Variants in MOCOS observed in about 807,000 individuals in gnomAD.
MOCOS encodes human molybdenum cofactor sulfurase.
A neutral mutation model predicts 83.6 loss-of-function variants in MOCOS; 86 were observed. That is an observed-to-expected ratio of 1.03 (90% CI 0.86 to 1.23). The LOEUF (loss-of-function observed/expected upper bound fraction) is 1.23, where lower values mean the gene tolerates loss of function less well. Ranked by LOEUF, MOCOS falls within the 50% of genes most tolerant of loss-of-function variation. MOCOS has a pLI of 0.00. For missense variants in MOCOS, 1,120 were observed against 1,126.9 expected, an observed-to-expected ratio of 0.99 and a Z score of 0.09; for synonymous variants, 445 against 434.7, an observed-to-expected ratio of 1.02 and a Z score of -0.29.
chr18:36,192,257 C>A (rs2091368764), intron 1 of MOCOS, among the ~76,000 whole-genome samples: 1 of 152,088 alleles, frequency 6.6e-6, no homozygotes, highest in African/African-American at 2.4e-5. Context: ...ACAAATTTAG[C>A]CAAGTGGTAG....
rs989648945 is a variant in MOCOS, at chr18:36,269,055, G to A, written c.*370G>A. ...CTCACATTGTTACTTTGTTTTTAGA[G>A]AGCATCTTTGGATCTCTCCAACCCG... On this transcript the variant is annotated 3_prime_UTR_variant, in exon 15 of 15. Coordinates refer to ENST00000261326, the MANE Select transcript of MOCOS (RefSeq NM_017947.4). 3.5e-6 allele frequency: 1 copy of A among 284,840 alleles called. No individual in the cohort carries two copies. Among genetic ancestry groups the A allele is most frequent in the Non-Finnish European group, 6.8e-6 (1 of 148,126 alleles). 17.6% of individuals were successfully genotyped at this position (284,840 alleles called of 1,614,324 possible).
intron 9 of MOCOS, among the ~76,000 whole-genome samples, chr18:36,244,944 C>T (rs1266348081): frequency 6.6e-6 from 1 of 152,110 alleles, no homozygotes; most frequent in East Asian, 1.9e-4. Context: ...AGAATAGCTA[C>T]TCCTGCTCAC....
rs1361436890 is a variant in MOCOS, at chr18:36,271,962, G to T, written c.*3277G>T. ...AGGTTCTAGAGTTTCAGAAACAAAA[G>T]AAACAGAACCAACATTTATAGATCT... On this transcript the variant is annotated 3_prime_UTR_variant, in exon 15 of 15. Coordinates refer to ENST00000261326, the MANE Select transcript of MOCOS (RefSeq NM_017947.4). 1 of 151,734 alleles carries T rather than the reference G, an allele frequency of 6.6e-6. No individual in the cohort carries two copies. Among genetic ancestry groups the T allele is most frequent in the Non-Finnish European group, 1.5e-5 (1 of 67,774 alleles). The allele number at this position is 151,734 out of a possible 1,614,324, so 9.4% of individuals were successfully genotyped here. A position where few individuals can be genotyped will look rare whatever the true frequency, so the allele number is the denominator to read the frequency against.
chr18:36,220,979 ATTTAC>A (rs1362858068), intron 9 of MOCOS, among the ~76,000 whole-genome samples: 3 of 151,860 alleles, frequency 2.0e-5, no homozygotes, highest in African/African-American at 4.8e-5. Flanking sequence ...ATGATGTCCT[ATTTAC>A]TTAAGTTTCT....
At chr18:36,223,563 AGTTT>A (rs777830501) in intron 9 of MOCOS, among the ~76,000 whole-genome samples, 10 of 152,098 alleles carry the variant, frequency 6.6e-5, no homozygotes, top group Non-Finnish European at 1.2e-4. Context: ...AAGATTAATT[AGTTT>A]ATTTGTCATC....
chr18:36,195,394 A>T (rs2091383157), intron 2 of MOCOS, 48 bp downstream of exon 2: 1 of 1,457,552 alleles, frequency 6.9e-7, no homozygotes, highest in African/African-American at 1.4e-5. Flanking sequence ...CATGCAGCTG[A>T]TATACCTGTG....
intron 8 of MOCOS, among the ~76,000 whole-genome samples, chr18:36,219,536 G>C (rs1411981769): frequency 6.6e-6 from 1 of 151,978 alleles, no homozygotes; most frequent in Non-Finnish European, 1.5e-5. Context: ...AAACTTAGCC[G>C]GGCATGGTGG....
rs906291859 is a variant in MOCOS at position 36,194,679 on chromosome 18, G to T, written c.143-578G>T. Among the ~76,000 whole-genome samples the T allele has an allele frequency of 3.3e-5, 5 of 152,212 alleles. No individual in the cohort carries two copies. The South Asian group carries it at 8.3e-4, about 25-fold the overall frequency. On this transcript the variant is annotated intron_variant, in intron 1 of 14. Transcript: ENST00000261326. ...CTACCAGCCGTGTACCAGTGAGCTTGTTTCGCCACAGCTTCATTCACACAG... is the reference window on the plus strand; with the variant it reads ...CTACCAGCCGTGTACCAGTGAGCTTTTTTCGCCACAGCTTCATTCACACAG...
At chr18:36,201,641 T>C (rs1190441580) in intron 4 of MOCOS, among the ~76,000 whole-genome samples, 2 of 106,776 alleles carry the variant, frequency 1.9e-5, no homozygotes, top group African/African-American at 7.1e-5. Context: ...CTAGCCCTGG[T>C]GACAGAGCAA....
At chr18:36,236,465 G>A (rs1341457422) in intron 9 of MOCOS, among the ~76,000 whole-genome samples, 1 of 104,544 alleles carries the variant, frequency 9.6e-6, no homozygotes, top group Non-Finnish European at 2.0e-5. Context: ...TATTTCTGAG[G>A]GCTCTGTTCT....
intron 9 of MOCOS, 48 bp downstream of exon 9, chr18:36,220,265 T>A (rs759951264): frequency 1.2e-6 from 2 of 1,607,356 alleles, no homozygotes; most frequent in Non-Finnish European, 1.7e-6. Context: ...ACAGCAGCTT[T>A]TATATTCATA....
intron 7 of MOCOS, among the ~76,000 whole-genome samples, chr18:36,214,184 T>C (rs1320266284): frequency 7.5e-6 from 1 of 133,044 alleles, no homozygotes; most frequent in Non-Finnish European, 1.5e-5. Flanking sequence ...GAGGTTGTGG[T>C]GGTGAGCTGA....
intron 11 of MOCOS, 33 bp downstream of exon 11, chr18:36,251,316 G>C (rs1272652933): frequency 6.2e-7 from 1 of 1,611,872 alleles, no homozygotes; most frequent in Non-Finnish European, 8.5e-7. Context: ...GTAGAGAACA[G>C]GAACCCTGGC....
At chr18:36,258,568 A>G (rs952370761) in intron 12 of MOCOS, among the ~76,000 whole-genome samples, 2 of 152,144 alleles carry the variant, frequency 1.3e-5, no homozygotes, top group African/African-American at 4.8e-5. Flanking sequence ...GTTGTTTGCC[A>G]TTCAAAGGAG....
At chr18:36,239,080 CTT>C (rs1446425872) in intron 9 of MOCOS, among the ~76,000 whole-genome samples, 1 of 149,698 alleles carries the variant, frequency 6.7e-6, no homozygotes, top group Non-Finnish European at 1.5e-5. Context: ...GGTCTTGACT[CTT>C]TATCCAATTT....
At chr18:36,247,886 A>T (rs533038262) in intron 9 of MOCOS, among the ~76,000 whole-genome samples, 30 of 152,342 alleles carry the variant, frequency 2.0e-4, no homozygotes, top group African/African-American at 7.2e-4. Flanking sequence ...CTGTCTGTCT[A>T]ACTGGGAGCT....
At position 36,220,210 on chromosome 18, in the gene MOCOS, A is replaced by G; in HGVS notation, c.1953A>G (p.Lys651=). ...IDLRQRIMVI[K]AKGMEPIEVP... The stretch of plus-strand genomic sequence containing the variant: ...TGCGGCAAAGGATCATGGTCATCAA[A>G]GCCAAAGGTGGGAAAACTGCTTCAT... Residue 651 remains lysine (K), a synonymous_variant, in exon 9 of 15, where the codon AAA becomes AAG. Transcript: ENST00000261326. 6.2e-7 allele frequency: 1 copy of G among 1,614,194 alleles called. No homozygotes were observed. The highest frequency in any genetic ancestry group is 1.3e-5 in the African/African-American group (1 of 75,042).
chr18:36,220,293 T>G (rs1438951907), intron 9 of MOCOS, 76 bp downstream of exon 9: 2 of 1,566,120 alleles, frequency 1.3e-6, no homozygotes, highest in Non-Finnish European at 1.7e-6. Context: ...CTCTACCAAG[T>G]GTTAGAATAA....
intron 11 of MOCOS, among the ~76,000 whole-genome samples, chr18:36,252,569 T>A (rs776811597): frequency 5.9e-5 from 9 of 151,660 alleles, no homozygotes; most frequent in East Asian, 1.9e-4. Context: ...AAAAAAAATT[T>A]AAAAAATTGC....
Sources: gnomAD v4.1 joint callset for allele counts (sites outside exome capture counted in the v4.1 genomes callset) on GRCh38, gnomAD v4.1.1 for gene constraint, MANE v1.5 for transcripts, NCBI Gene and HGNC (gene_info 2026-07-23, HGNC 2026-07-21) for gene names.